TTN: variants seen among roughly 807,000 people sequenced by gnomAD.
TTN encodes titin.
TTN carries 1,525 observed loss-of-function variants against 3,223.0 expected under a neutral mutation model. The ratio of observed to expected loss-of-function variants is 0.47; its 90% CI spans 0.45 to 0.49. TTN has a LOEUF of 0.49. Among genes scored for constraint, TTN ranks in the 20% least tolerant of loss-of-function variants. The pLI, the probability that TTN is intolerant of heterozygous loss-of-function variation, is 0.00. For missense variants in TTN, 40,786 were observed against 43,424.0 expected (o/e 0.94, Z 5.40); for synonymous variants, 14,094 against 15,161.0 (o/e 0.93, Z 5.17).
At chr2:178,699,965 T>G (rs1272239350) in intron 111 of TTN, among the ~76,000 whole-genome samples, 2 of 151,762 alleles carry the variant, frequency 1.3e-5, no homozygotes, top group Non-Finnish European at 2.9e-5. Context: ...TCCGCCCACC[T>G]CGGCCTCCCA....
chr2:178,680,081 G>T, intron 139 of TTN, 26 bp from the exon 140 acceptor site: 1 of 1,608,320 alleles, frequency 6.2e-7, no homozygotes, highest in African/African-American at 1.3e-5. Context: ...CTTTAAGTTG[G>T]ACATTTGCCA....
chr2:178,733,355 T>C lies in TTN; in HGVS notation c.15938A>G (p.Asn5313Ser). 1 of 1,613,806 alleles carries C rather than the reference T, an allele frequency of 6.2e-7. No homozygotes were observed. The highest frequency in any genetic ancestry group is 1.7e-4 in the Middle Eastern group (1 of 6,054). The change falls in exon 54 of 363, where the codon AAC becomes AGC. Residue 5313 changes from asparagine to serine, a missense_variant. Coordinates refer to ENST00000589042, the MANE Select transcript of TTN (RefSeq NM_001267550.2). ...ASKKYRISFK[N>S]NVAQLKFYSA... is the part of the protein sequence containing the mutation. ...ATAAAATTTGAGCTGGGCAACATTG[T>C]TTTTAAAACTTATTCGGTATTTTTT...
In TTN at chr2:178,773,573, C is replaced by T. The variant is rs777701974; in HGVS notation, c.7483G>A (p.Val2495Met). 1.3e-5 allele frequency: 21 copies of T among 1,614,012 alleles called. 1 individual carries two copies. In the South Asian group the frequency reaches 1.8e-4, roughly 14 times the overall value. Reference sequence around the variant, plus strand: ...ACTAGTCGCTGTTTAGTACCTTTCACAATGGCCTGTACACGGTCATCAGGC... The same window carrying T: ...ACTAGTCGCTGTTTAGTACCTTTCATAATGGCCTGTACACGGTCATCAGGC... ...IKPDDRVQAI[V>M]KGTKQRLVIN... The change falls in exon 32 of 363, where the codon GTG becomes ATG. Residue 2495 changes from valine (V) to methionine (M), a missense_variant. Val to Met is a conservative substitution (Grantham distance 21). Transcript: ENST00000589042.
At chr2:178,727,530 A>G in intron 68 of TTN, 55 bp downstream of exon 68, 1 of 1,521,620 alleles carries the variant, frequency 6.6e-7, no homozygotes, top group Non-Finnish European at 8.8e-7. Context: ...GTAACTGAAT[A>G]CAGAGAACCA....
chr2:178,556,405 T>C (rs950262741), intron 330 of TTN: 1 of 198,346 alleles, frequency 5.0e-6, no homozygotes, highest in African/African-American at 2.4e-5. Flanking sequence ...CACTACAGCC[T>C]GGGCGACAGA....
chr2:178,731,971 T>C lies in TTN; in HGVS notation c.16904A>G (p.Glu5635Gly). 1 of 1,601,906 alleles carries C rather than the reference T, an allele frequency of 6.2e-7. No individual in the cohort carries two copies. Among genetic ancestry groups the C allele is most frequent in the Non-Finnish European group, 8.5e-7 (1 of 1,171,846 alleles). Residue 5635 changes from glutamate to glycine, a missense_variant and splice_region_variant, in exon 58 of 363, where the codon GAG becomes GGG. Physicochemically the swap from Glu to Gly is moderately conservative, Grantham distance 98. Coordinates refer to ENST00000589042, the MANE Select transcript of TTN (RefSeq NM_001267550.2). ...AAATTCCTTGGTAAAATAAGGTGACTCTACAGTAAAAAAGGAATGATTTGC... is the reference window on the plus strand; with the variant it reads ...AAATTCCTTGGTAAAATAAGGTGACCCTACAGTAAAAAAGGAATGATTTGC... ...DHCSSIVIVK[E>G]SPYFTKEFKP...
Position 178,631,113 on chromosome 2 carries a change from C to A in TTN, c.43935G>T (p.Lys14645Asn). Residue 14645 changes from lysine (K) to asparagine (N), a missense_variant, in exon 237 of 363, where the codon AAG (lysine) becomes AAT (asparagine). Physicochemically the swap from Lys to Asn is moderately conservative, Grantham distance 94. Transcript: ENST00000589042. ...GTCCAATATCTGATTTCAAGGCTTT[C>A]TTTAGGATTAGCATGCGTTTCTTGC... ...ADGKKRMLILKKALKSDIGQY... is the reference protein window; with the variant it reads ...ADGKKRMLILNKALKSDIGQY... The A allele has an allele frequency of 6.2e-7, 1 of 1,613,322 alleles. No homozygotes were observed. The highest frequency in any genetic ancestry group is 8.5e-7 in the Non-Finnish European group (1 of 1,179,590).
In TTN at chr2:178,621,516, C is replaced by A. The variant is rs771113343; in HGVS notation, c.45308G>T (p.Arg15103Leu). 1 of 1,612,388 alleles carries A rather than the reference C, an allele frequency of 6.2e-7. No homozygotes were observed. Among genetic ancestry groups the A allele is most frequent in the East Asian group, 2.2e-5 (1 of 44,650 alleles). ...GCCATCGGTTCGAGAGCTTGGGAGT[C>A]GACAGTTGTAGTTGCCAGCATCCTC... Reference protein sequence around the residue: ...HLEDAGNYNCRLPSSRTDGKV... With the variant: ...HLEDAGNYNCLLPSSRTDGKV... The change falls in exon 245 of 363, where the codon CGA (arginine) becomes CTA (leucine). Residue 15103 changes from arginine (R) to leucine (L), a missense_variant. Physicochemically the swap from Arg to Leu is moderately radical, Grantham distance 102 (BLOSUM62 -2). Coordinates refer to ENST00000589042, the MANE Select transcript of TTN (RefSeq NM_001267550.2).
Position 178,721,969 on chromosome 2 carries a change from CAT to C in TTN, c.22692_22693del (p.Val7566GlyfsTer10). ...TCTCAAATGAGGAGTGTTTCCCACA[CAT>C]GTGATTGTATAGTTTCCTCCAGGAC... On this transcript the variant is annotated frameshift_variant, in exon 78 of 363. Coordinates refer to ENST00000589042, the MANE Select transcript of TTN (RefSeq NM_001267550.2). LOFTEE classifies it high-confidence loss of function. The C allele has an allele frequency of 6.2e-7, 1 of 1,613,608 alleles. No homozygotes were observed. The highest frequency in any genetic ancestry group is 8.5e-7 in the Non-Finnish European group (1 of 1,179,610).
Position 178,527,214 on chromosome 2 carries a change from G to A in TTN, c.107774C>T (p.Thr35925Ile), listed in dbSNP as rs755111765. The part of the protein sequence containing the change: ...TVACAFTGEP[T>I]PEVTWSCGGR... ...ACCACAGGACCATGTTACTTCTGGG[G>A]TAGGCTCACCCGTGAAAGCACAGGC... Residue 35925 changes from threonine to isoleucine, a missense_variant, in exon 363 of 363, where the codon ACC becomes ATC. Coordinates refer to ENST00000589042, the MANE Select transcript of TTN (RefSeq NM_001267550.2). 3 of 1,613,896 alleles carry A rather than the reference G, an allele frequency of 1.9e-6. No individual in the cohort carries two copies. In the East Asian group the frequency reaches 6.7e-5, roughly 36 times the overall value.
At chr2:178,639,972 A>C (rs1195712280) in intron 222 of TTN, 76 bp downstream of exon 222, 2 of 1,549,358 alleles carry the variant, frequency 1.3e-6, no homozygotes, top group South Asian at 2.3e-5. Context: ...TTCACCTACT[A>C]TCTTTTATTA....
rs371498697 is a variant in TTN, at chr2:178,564,882, T to C, written c.81250A>G (p.Ile27084Val). ...TGCACAAGCATCTGATCTTTTGAGA[T>C]TGATGTCACAAAAGGAGTTCCAGGT... ...GPPGTPFVTS[I>V]SKDQMLVQWH... Residue 27084 changes from isoleucine to valine, a missense_variant, in exon 326 of 363, where the codon ATC becomes GTC. Ile to Val is a conservative substitution (Grantham distance 29, BLOSUM62 3). Coordinates refer to ENST00000589042, the MANE Select transcript of TTN (RefSeq NM_001267550.2). 56 of 1,612,372 alleles carry C rather than the reference T, an allele frequency of 3.5e-5. No individual in the cohort carries two copies. Among genetic ancestry groups the C allele is most frequent in the African/African-American group, 2.0e-4 (15 of 74,814 alleles).
At position 178,722,564 on chromosome 2, in the gene TTN, A is replaced by G; in HGVS notation, c.22241-18T>C. On this transcript the variant is annotated intron_variant, in intron 76 of 362. Transcript: ENST00000589042. ...TTGGCGCTCTGTAGGGAGACATGTA[A>G]TACTTAAGGTGTTAGGAGATGAAAT... The G allele has an allele frequency of 6.2e-7, 1 of 1,602,494 alleles. No individual in the cohort carries two copies. The highest frequency in any genetic ancestry group is 8.5e-7 in the Non-Finnish European group (1 of 1,173,942).
chr2:178,558,967 G>A (rs756244629), intron 326 of TTN: 7 of 361,818 alleles, frequency 1.9e-5, no homozygotes, highest in Non-Finnish European at 3.0e-5. Flanking sequence ...CTGTACACAC[G>A]CACATACACA....
chr2:178,722,058 C>T lies in TTN; in HGVS notation c.22605G>A (p.Glu7535=). The change falls in exon 78 of 363, where the codon GAG becomes GAA. Residue 7535 remains glutamate, a synonymous_variant. Transcript: ENST00000589042. Reference sequence around the variant, plus strand: ...TCGGTTGAGCACCAGTAACATGACACTCAAAATCAGCACTTTCTCCAGCAA... The same window carrying T: ...TCGGTTGAGCACCAGTAACATGACATTCAAAATCAGCACTTTCTCCAGCAA... ...DVIAGESADF[E]CHVTGAQPMR... 6.2e-7 allele frequency: 1 copy of T among 1,612,386 alleles called. No individual in the cohort carries two copies. The highest frequency in any genetic ancestry group is 8.5e-7 in the Non-Finnish European group (1 of 1,179,052).
At position 178,716,021 on chromosome 2, in the gene TTN, T is replaced by G. The variant is rs545842600; in HGVS notation, c.25640-247A>C. ...AGGAGAAAAAGACATTACTCTTTAT[T>G]GTGCCATCCTCTCCCCAGCAAAAGA... On this transcript the variant is annotated intron_variant, in intron 88 of 362. Transcript: ENST00000589042. 1.6e-3 allele frequency among the ~76,000 whole-genome samples: 238 copies of G among 152,280 alleles called. 2 individuals carry two copies. The highest frequency in any genetic ancestry group is 6.6e-3 in the East Asian group (34 of 5,176).
In TTN at chr2:178,721,916, CAG is replaced by C. The variant is rs779549899; in HGVS notation, c.22745_22746del (p.Ser7582TrpfsTer10). The C allele has an allele frequency of 1.2e-6, 2 of 1,613,402 alleles. No individual in the cohort carries two copies. The highest frequency in any genetic ancestry group is 8.5e-7 in the Non-Finnish European group (1 of 1,179,514). The stretch of plus-strand genomic sequence containing the variant: ...TTGGTTGCTTGGCAAGTATATTGAC[CAG>C]AGTCTCCTTTGCCTACTTTAAGAAT... Reference protein sequence around the residue: ...LRILKVGKGDSGQYTCQATND... With the variant: ...LRILKVGKGDXGQYTCQATND... On this transcript the variant is annotated frameshift_variant, in exon 78 of 363. Coordinates refer to ENST00000589042, the MANE Select transcript of TTN (RefSeq NM_001267550.2). LOFTEE classifies it high-confidence loss of function.
At chr2:178,734,239 A>G in intron 52 of TTN, 89 bp downstream of exon 52, 1 of 1,432,704 alleles carries the variant, frequency 7.0e-7, no homozygotes, top group Non-Finnish European at 9.2e-7. Flanking sequence ...AGGATAGGAC[A>G]AGAGAAGAAA....
chr2:178,650,385 C>A, intron 209 of TTN, 114 bp from the exon 210 acceptor site: 1 of 1,013,862 alleles, frequency 9.9e-7, no homozygotes, highest in Non-Finnish European at 1.4e-6. Context: ...CAATTGATAC[C>A]TTCTCTTATT....
Sources: gnomAD v4.1 joint callset for allele counts (sites outside exome capture counted in the v4.1 genomes callset) on GRCh38, gnomAD v4.1.1 for gene constraint, MANE v1.5 for transcripts, NCBI Gene and HGNC (gene_info 2026-07-23, HGNC 2026-07-21) for gene names.